HTR1F: variants seen among roughly 807,000 people sequenced by gnomAD.
The protein encoded by HTR1F is 5-hydroxytryptamine receptor 1F.
Under a neutral mutation model 24.0 loss-of-function variants are expected in HTR1F, and 17 were observed. The observed-to-expected ratio is 0.71, with a 90% CI of 0.48 to 1.06. HTR1F has a LOEUF of 1.06. HTR1F is among the 50% of genes least tolerant of loss of function. The pLI is 0.00. For missense variants in HTR1F, 391 were observed against 427.8 expected (o/e 0.91, Z 0.76); for synonymous variants, 186 against 156.8 (o/e 1.19, Z -1.39).
chr3:87,832,316 C>CTTTTTTTTT (rs60414125), intron 2 of HTR1F, among the ~76,000 whole-genome samples: 2 of 125,522 alleles, frequency 1.6e-5, no homozygotes, highest in Non-Finnish European at 3.3e-5. Flanking sequence ...AATATCCCTT[C>CTTTTTTTTT]TTTTTTTTTT....
At chr3:87,940,358 A>C (rs1048471549) in intron 2 of HTR1F, among the ~76,000 whole-genome samples, 2 of 152,242 alleles carry the variant, frequency 1.3e-5, no homozygotes, top group African/African-American at 4.8e-5. Context: ...CACAAATAAT[A>C]GACAAACAGG....
chr3:87,883,054 G>A (rs187888819), intron 2 of HTR1F, among the ~76,000 whole-genome samples: 21 of 151,968 alleles, frequency 1.4e-4, no homozygotes, highest in East Asian at 2.0e-4. Flanking sequence ...CAGTAGGGGC[G>A]GACACCTCAT....
At chr3:87,979,035 G>GGAGGGAGA (rs1705469376) in intron 2 of HTR1F, among the ~76,000 whole-genome samples, 1 of 3,194 alleles carries the variant, frequency 3.1e-4, no homozygotes, top group African/African-American at 5.9e-4. Flanking sequence ...AGGGAGGGAG[G>GGAGGGAGA]GAGGGGGGGA....
chr3:87,842,835 T>C (rs1704838581), intron 2 of HTR1F, among the ~76,000 whole-genome samples: 1 of 151,894 alleles, frequency 6.6e-6, no homozygotes, highest in South Asian at 2.1e-4. Context: ...AAACAGATTT[T>C]CCTCGATCAG....
intron 2 of HTR1F, among the ~76,000 whole-genome samples, chr3:87,828,606 G>A (rs1238869884): frequency 6.6e-6 from 1 of 152,186 alleles, no homozygotes; most frequent in Admixed American, 6.5e-5. Context: ...ATTAGGCACT[G>A]AGTAGAGTAG....
chr3:87,928,706 G>C (rs758571767), intron 2 of HTR1F, among the ~76,000 whole-genome samples: 181 of 152,166 alleles, frequency 1.2e-3, no homozygotes, highest in Non-Finnish European at 1.7e-3. Flanking sequence ...ATTCTATTAT[G>C]TATCCATTTG....
At chr3:87,915,804 C>T (rs573410782) in intron 2 of HTR1F, among the ~76,000 whole-genome samples, 146 of 152,234 alleles carry the variant, frequency 9.6e-4, no homozygotes, top group African/African-American at 3.5e-3. Context: ...TCAAGGAAAA[C>T]TTCCCCAGCC....
intron 2 of HTR1F, among the ~76,000 whole-genome samples, chr3:87,840,227 T>A (rs1454246947): frequency 6.6e-6 from 1 of 152,176 alleles, no homozygotes; most frequent in Non-Finnish European, 1.5e-5. Context: ...GTTGACTTGT[T>A]TAAGACCCTT....
chr3:87,835,506 C>T (rs1183242394), intron 2 of HTR1F, among the ~76,000 whole-genome samples: 1 of 152,076 alleles, frequency 6.6e-6, no homozygotes, highest in Non-Finnish European at 1.5e-5. Context: ...TATCTGAACC[C>T]CTATTTTCAT....
intron 2 of HTR1F, among the ~76,000 whole-genome samples, chr3:87,843,929 G>A (rs1343999875): frequency 1.3e-5 from 2 of 151,362 alleles, no homozygotes; most frequent in African/African-American, 4.9e-5. Flanking sequence ...GTCTATCATT[G>A]TTGGACATTT....
intron 2 of HTR1F, among the ~76,000 whole-genome samples, chr3:87,829,537 T>A (rs531496098): frequency 3.9e-5 from 6 of 152,214 alleles, no homozygotes; most frequent in South Asian, 2.1e-4. Flanking sequence ...TCCTCTGGGA[T>A]TCCCCCCTTC....
chr3:87,886,147 C>G lies in HTR1F; in HGVS notation c.-43+64023C>G, dbSNP rs970392912. On this transcript the variant is annotated intron_variant, in intron 2 of 2. Coordinates refer to ENST00000319595, the MANE Select transcript of HTR1F (RefSeq NM_001322209.2). ...CATCAAAAAGCTCATCCACCACGAT[C>G]AAGTTGTCTTCATCCCTGTGATGCA... Among the ~76,000 whole-genome samples, 14 of 152,182 alleles carry G rather than the reference C, an allele frequency of 9.2e-5. 1 individual carries two copies. The highest frequency in any genetic ancestry group is 2.0e-4 in the Admixed American group (3 of 15,274).
intron 2 of HTR1F, among the ~76,000 whole-genome samples, chr3:87,941,362 C>T (rs1704564097): frequency 1.3e-5 from 2 of 152,154 alleles, no homozygotes; most frequent in South Asian, 4.1e-4. Flanking sequence ...ATACGATCCT[C>T]ACGGAGGGCC....
At chr3:87,851,967 C>CAA (rs772352453) in intron 2 of HTR1F, among the ~76,000 whole-genome samples, 1 of 99,512 alleles carries the variant, frequency 1.0e-5, no homozygotes, top group Non-Finnish European at 2.2e-5. Context: ...ACATCCAAGC[C>CAA]AAAAAAAAAA....
chr3:87,936,443 TA>T (rs1704417160), intron 2 of HTR1F, among the ~76,000 whole-genome samples: 1 of 152,196 alleles, frequency 6.6e-6, no homozygotes, highest in South Asian at 2.1e-4. Context: ...TTTATCTTTT[TA>T]AAAACTTTAT....
chr3:87,948,127 T>A (rs1410527276), intron 2 of HTR1F, among the ~76,000 whole-genome samples: 1 of 152,162 alleles, frequency 6.6e-6, no homozygotes, highest in Non-Finnish European at 1.5e-5. Context: ...AAAAGTAAAG[T>A]AAAATAAAGT....
intron 2 of HTR1F, among the ~76,000 whole-genome samples, chr3:87,930,621 T>C (rs1259172425): frequency 3.3e-5 from 5 of 152,216 alleles, no homozygotes; most frequent in Non-Finnish European, 7.3e-5. Flanking sequence ...CAACTTTGCA[T>C]CCCTGGGGTG....
intron 1 of HTR1F, among the ~76,000 whole-genome samples, chr3:87,807,357 C>T (rs183337244): frequency 2.6e-5 from 4 of 151,706 alleles, no homozygotes; most frequent in Admixed American, 2.6e-4. Context: ...TACATTTATT[C>T]CTAGGTATTT....
intron 2 of HTR1F, among the ~76,000 whole-genome samples, chr3:87,934,147 T>G (rs1704354930): frequency 6.6e-6 from 1 of 152,198 alleles, no homozygotes; most frequent in Non-Finnish European, 1.5e-5. Flanking sequence ...CTCGAACCCC[T>G]GTACAGTAAC....
Sources: gnomAD v4.1 joint callset for allele counts (sites outside exome capture counted in the v4.1 genomes callset) on GRCh38, gnomAD v4.1.1 for gene constraint, MANE v1.5 for transcripts, NCBI Gene and HGNC (gene_info 2026-07-23, HGNC 2026-07-21) for gene names.